Variants in ADGRL3 observed in about 807,000 individuals in gnomAD.
ADGRL3 encodes the protein calcium-independent alpha-latrotoxin receptor 3.
A neutral mutation model predicts 153.5 loss-of-function variants in ADGRL3; 62 were observed. The observed-to-expected ratio is 0.40, with a 90% CI of 0.33 to 0.50. The LOEUF (loss-of-function observed/expected upper bound fraction) is 0.50, where lower values mean the gene tolerates loss of function less well. Ranked by LOEUF, ADGRL3 falls within the 20% of genes least tolerant of loss-of-function variation. ADGRL3 has a pLI of 0.47. For missense variants in ADGRL3, 1,641 were observed against 1,859.4 expected, an observed-to-expected ratio of 0.88 and a Z score of 2.16; for synonymous variants, 710 against 672.5, an observed-to-expected ratio of 1.06 and a Z score of -0.86.
At chr4:61,288,469 G>C (rs2094034359) in intron 1 of ADGRL3, among the ~76,000 whole-genome samples, 1 of 151,944 alleles carries the variant, frequency 6.6e-6, no homozygotes, top group Non-Finnish European at 1.5e-5. Flanking sequence ...ATGGCTTTCA[G>C]ATGTCTTCAC....
In ADGRL3 at chr4:61,892,950, G is replaced by T. The variant is rs905239348; in HGVS notation, c.1775G>T (p.Gly592Val). Residue 592 changes from glycine (G) to valine (V), a missense_variant, in exon 10 of 27, where the codon GGA (glycine) becomes GTA (valine). By Grantham distance (109) the Gly-to-Val change is moderately radical (BLOSUM62 -3). This residue lies in a region of ADGRL3 where 734 missense variants were observed against 797.0 expected (regional missense o/e 0.92). Coordinates refer to ENST00000683033, the MANE Select transcript of ADGRL3 (RefSeq NM_001387552.1). ...GQIAKQPCPA[G>V]TIGVSTYLCL... is the part of the protein sequence containing the mutation. ...ATAGCAAAGCAGCCATGCCCTGCAG[G>T]AACTATAGGTAAGTCTGTGCTAAAG... is the stretch of plus-strand genomic sequence containing the variant. 2.0e-6 allele frequency: 3 copies of T among 1,522,556 alleles called. No homozygotes were observed. Among genetic ancestry groups the T allele is most frequent in the Non-Finnish European group, 2.6e-6 (3 of 1,138,972 alleles). 94.3% of individuals were successfully genotyped at this position (1,522,556 alleles called of 1,614,324 possible). A position where few individuals can be genotyped will look rare whatever the true frequency, so the allele number is the denominator to read the frequency against.
intron 25 of ADGRL3, among the ~76,000 whole-genome samples, chr4:62,048,080 A>G (rs1350846609): frequency 6.6e-6 from 1 of 152,030 alleles, no homozygotes; most frequent in Non-Finnish European, 1.5e-5. Context: ...CTCAATCCTC[A>G]GTCTCCTCCC....
Position 61,587,422 on chromosome 4 carries a change from A to G in ADGRL3, c.455A>G (p.Tyr152Cys). The G allele has an allele frequency of 6.2e-7, 1 of 1,611,588 alleles. No homozygotes were observed. The highest frequency in any genetic ancestry group is 8.5e-7 in the Non-Finnish European group (1 of 1,178,318). Reference sequence around the variant, plus strand: ...ATCCGATGTTATCTGCCAGATGCCTATAAGATTATGTCTCAAAGGTATGAT... The same window carrying G: ...ATCCGATGTTATCTGCCAGATGCCTGTAAGATTATGTCTCAAAGGTATGAT... ...ENIRCYLPDA[Y>C]KIMSQRCNNR... Residue 152 changes from tyrosine to cysteine, a missense_variant, in exon 5 of 27, where the codon TAT becomes TGT. Tyr to Cys is a radical substitution (Grantham distance 194). Around this residue, in one of 5 missense-constraint regions of ADGRL3, gnomAD observed 213 missense variants for 362.1 expected, o/e 0.59. Coordinates refer to ENST00000683033, the MANE Select transcript of ADGRL3 (RefSeq NM_001387552.1).
intron 4 of ADGRL3, among the ~76,000 whole-genome samples, chr4:61,586,073 T>C (rs2098945403): frequency 6.6e-6 from 1 of 152,018 alleles, no homozygotes; most frequent in African/African-American, 2.4e-5. Flanking sequence ...CCATTCTTTA[T>C]CAAATTGACA....
intron 5 of ADGRL3, among the ~76,000 whole-genome samples, chr4:61,595,687 A>C (rs540515450): frequency 1.3e-5 from 2 of 152,310 alleles, no homozygotes; most frequent in East Asian, 3.9e-4. Flanking sequence ...CCTAAGTCAC[A>C]TGCCACCCAA....
At chr4:61,448,254 G>A (rs913059462) in intron 2 of ADGRL3, among the ~76,000 whole-genome samples, 9 of 150,854 alleles carry the variant, frequency 6.0e-5, no homozygotes, top group Non-Finnish European at 1.3e-4. Flanking sequence ...TAGGCTTAGG[G>A]TATAACAAAA....
chr4:61,895,714 T>C lies in ADGRL3; in HGVS notation c.1784-17T>C, dbSNP rs760591662. On this transcript the variant is annotated splice_polypyrimidine_tract_variant and intron_variant, in intron 10 of 26. Transcript: ENST00000683033. ...TTCTAAGAAAAAGAAACAGATACATTTCTCTCATTATTACAGGTGTATCAA... is the reference window on the plus strand; with the variant it reads ...TTCTAAGAAAAAGAAACAGATACATCTCTCTCATTATTACAGGTGTATCAA... 2 of 1,359,802 alleles carry C rather than the reference T, an allele frequency of 1.5e-6. No homozygotes were observed. The highest frequency in any genetic ancestry group is 2.1e-6 in the Non-Finnish European group (2 of 972,092). 84.2% of individuals were successfully genotyped at this position (1,359,802 alleles called of 1,614,324 possible).
chr4:61,415,027 C>T (rs1166928183), intron 2 of ADGRL3, among the ~76,000 whole-genome samples: 1 of 151,620 alleles, frequency 6.6e-6, no homozygotes, highest in African/African-American at 2.4e-5. Flanking sequence ...AAAGAGATGC[C>T]TGCTTATTTT....
intron 1 of ADGRL3, among the ~76,000 whole-genome samples, chr4:61,214,881 T>C (rs1741903048): frequency 6.6e-6 from 1 of 152,006 alleles, no homozygotes; most frequent in Non-Finnish European, 1.5e-5. Context: ...CAGGCTGCAG[T>C]GAGTCATCAT....
At chr4:61,684,017 G>A (rs975584825) in intron 6 of ADGRL3, among the ~76,000 whole-genome samples, 4 of 152,202 alleles carry the variant, frequency 2.6e-5, no homozygotes, top group South Asian at 2.1e-4. Flanking sequence ...GTAATAAATC[G>A]CATGGAGAAT....
chr4:62,068,881 C>T (rs550574741), intron 26 of ADGRL3, among the ~76,000 whole-genome samples: 3 of 152,098 alleles, frequency 2.0e-5, no homozygotes, highest in South Asian at 4.1e-4. Flanking sequence ...ATTTGAATCA[C>T]GTAATTTAAA....
chr4:61,961,221 T>G (rs1476136066), intron 17 of ADGRL3, among the ~76,000 whole-genome samples: 1 of 152,134 alleles, frequency 6.6e-6, no homozygotes. Context: ...ACATCCCTTT[T>G]GCTTAAAAAA....
chr4:61,647,711 A>G (rs570635411), intron 5 of ADGRL3, among the ~76,000 whole-genome samples: 7 of 152,198 alleles, frequency 4.6e-5, no homozygotes, highest in Non-Finnish European at 8.8e-5. Context: ...TAAGAATGCA[A>G]AAATTAACAA....
At chr4:61,246,843 T>G (rs1757294318) in intron 1 of ADGRL3, among the ~76,000 whole-genome samples, 1 of 151,620 alleles carries the variant, frequency 6.6e-6, no homozygotes, top group Non-Finnish European at 1.5e-5. Context: ...AATATATATA[T>G]GGGGGGAAGG....
At chr4:61,834,349 C>T (rs1460938278) in intron 9 of ADGRL3, among the ~76,000 whole-genome samples, 1 of 151,990 alleles carries the variant, frequency 6.6e-6, no homozygotes, top group Non-Finnish European at 1.5e-5. Context: ...TTTCTTAATC[C>T]AATCTATCAT....
At chr4:61,224,049 A>G (rs1746820519) in intron 1 of ADGRL3, among the ~76,000 whole-genome samples, 1 of 152,092 alleles carries the variant, frequency 6.6e-6, no homozygotes, top group South Asian at 2.1e-4. Context: ...ATTTTAAAAA[A>G]TTGTTAAATT....
At chr4:61,978,817 G>A (rs1172608742) in intron 17 of ADGRL3, among the ~76,000 whole-genome samples, 1 of 152,110 alleles carries the variant, frequency 6.6e-6, no homozygotes, top group Admixed American at 6.6e-5. Context: ...TCTATATGCT[G>A]CTGTTTAATA....
chr4:61,917,058 C>A (rs1039601596), intron 13 of ADGRL3, among the ~76,000 whole-genome samples: 2 of 151,972 alleles, frequency 1.3e-5, no homozygotes, highest in African/African-American at 4.8e-5. Flanking sequence ...TCACAAACAC[C>A]GTATGATATA....
chr4:61,949,020 A>C (rs1327295085), intron 17 of ADGRL3, among the ~76,000 whole-genome samples: 1 of 151,902 alleles, frequency 6.6e-6, no homozygotes, highest in Non-Finnish European at 1.5e-5. Context: ...AAACTCAGAA[A>C]AAAAAAAAAA....
Sources: allele counts gnomAD v4.1 joint callset (sites outside exome capture counted in the v4.1 genomes callset), GRCh38; gene constraint gnomAD v4.1.1; regional missense constraint gnomAD v4.1.1; transcripts MANE v1.5; gene names NCBI Gene and HGNC (gene_info 2026-07-23, HGNC 2026-07-21).